TEX15: variants seen among roughly 807,000 people sequenced by gnomAD.
TEX15 encodes the protein testis-expressed protein 15.
A neutral mutation model predicts 237.3 loss-of-function variants in TEX15; 171 were observed. That is an observed-to-expected ratio of 0.72 (90% confidence interval 0.64 to 0.82). The LOEUF is 0.82. Among genes scored for constraint, TEX15 ranks in the 40% least tolerant of loss-of-function variants. The probability of loss-of-function intolerance (pLI) is 0.00; values close to 1 mark genes in which losing one functional copy is unlikely to be tolerated. For missense variants in TEX15, 3,750 were observed against 3,646.5 expected (o/e 1.03, Z -0.73); for synonymous variants, 1,338 against 1,269.8 (o/e 1.05, Z -1.14).
intron 3 of TEX15, among the ~76,000 whole-genome samples, chr8:30,881,616 ATTTTTT>A (rs199820564): frequency 2.3e-5 from 2 of 86,894 alleles, no homozygotes; most frequent in East Asian, 5.0e-4. Context: ...TTGACTTTTT[ATTTTTT>A]TTTATTATTT....
At chr8:30,883,706 C>A (rs577826134) in intron 3 of TEX15, among the ~76,000 whole-genome samples, 10 of 152,282 alleles carry the variant, frequency 6.6e-5, no homozygotes, top group Middle Eastern at 3.4e-3. Flanking sequence ...GCCGCATATT[C>A]CATGATGTAT....
chr8:30,858,555 C>T, intron 7 of TEX15, 113 bp downstream of exon 7: 1 of 922,426 alleles, frequency 1.1e-6, no homozygotes, highest in Non-Finnish European at 1.5e-6. Flanking sequence ...ACTTCCGCCT[C>T]CCAAAGTGCT....
chr8:30,902,231 T>G (rs1408090716), intron 1 of TEX15, among the ~76,000 whole-genome samples: 1 of 152,094 alleles, frequency 6.6e-6, no homozygotes, highest in African/African-American at 2.4e-5. Context: ...CTCCTTTTTT[T>G]TTTTTTTTCC....
rs1389980153 is a variant in TEX15, at chr8:30,843,685, T to C, written c.6482A>G (p.Asn2161Ser). ...GTACTTTAAGAATACATAGTATGAA[T>C]TCTTTTCCCTTTTTGTTTCTTCAAG... ...ELLEETKREK[N>S]SYYVFLKYKR... Residue 2161 changes from asparagine (N) to serine (S), a missense_variant, in exon 8 of 11, where the codon AAT becomes AGT. Asn to Ser is a conservative substitution (Grantham distance 46). Transcript: ENST00000643185. 46 of 1,612,184 alleles carry C rather than the reference T, an allele frequency of 2.9e-5. No homozygotes were observed. The highest frequency in any genetic ancestry group is 3.7e-5 in the Non-Finnish European group (44 of 1,179,334).
In TEX15 at chr8:30,846,313, TCA is replaced by T. The variant is rs1563239672; in HGVS notation, c.3852_3853del (p.Asp1285LeufsTer2). On this transcript the variant is annotated frameshift_variant, in exon 8 of 11. Transcript: ENST00000643185. LOFTEE classifies it high-confidence loss of function. Reference sequence around the variant, plus strand: ...CTTTTTATTTTTGGTATCATTATAGTCAGTTTTTGATTTTGTAAAGAAACATC... The same window carrying T: ...CTTTTTATTTTTGGTATCATTATAGTGTTTTTGATTTTGTAAAGAAACATC... The T allele has an allele frequency of 1.2e-6, 2 of 1,612,930 alleles. No individual in the cohort carries two copies. The highest frequency in any genetic ancestry group is 1.7e-6 in the Non-Finnish European group (2 of 1,179,592).
At chr8:30,907,561 T>TAC (rs1180502458) in intron 1 of TEX15, among the ~76,000 whole-genome samples, 34 of 118,668 alleles carry the variant, frequency 2.9e-4, no homozygotes, top group Admixed American at 1.0e-3. Context: ...AAAATTTATA[T>TAC]ATAATTTATT....
chr8:30,889,937 A>ATACATATATACATATATATATATATACG (rs1808752021), intron 2 of TEX15, among the ~76,000 whole-genome samples: 1 of 124,320 alleles, frequency 8.0e-6, no homozygotes, highest in African/African-American at 3.8e-5. Flanking sequence ...TTATATACAT[A>ATACATATATACATATATATATATATACG]TATATATATA....
chr8:30,910,804 C>T (rs1014421362), intron 1 of TEX15, among the ~76,000 whole-genome samples: 5 of 151,864 alleles, frequency 3.3e-5, no homozygotes, highest in African/African-American at 1.2e-4. Flanking sequence ...AAGCACTCTC[C>T]CTCAAATTTT....
At chr8:30,892,370 T>G (rs2128777262) in intron 2 of TEX15, among the ~76,000 whole-genome samples, 1 of 152,294 alleles carries the variant, frequency 6.6e-6, no homozygotes, top group Middle Eastern at 3.4e-3. Flanking sequence ...ATCAACACCA[T>G]ATTGTAACAA....
chr8:30,862,402 T>C (rs1808069786), intron 5 of TEX15, among the ~76,000 whole-genome samples: 2 of 152,094 alleles, frequency 1.3e-5, no homozygotes, highest in South Asian at 2.1e-4. Flanking sequence ...TTATAATCAG[T>C]GAAAAAAGCA....
chr8:30,833,622 G>A (rs1807228185), intron 10 of TEX15, among the ~76,000 whole-genome samples: 1 of 152,172 alleles, frequency 6.6e-6, no homozygotes, highest in African/African-American at 2.4e-5. Context: ...CTGTCCTTTA[G>A]TTCCATTTTC....
intron 5 of TEX15, among the ~76,000 whole-genome samples, chr8:30,865,522 C>A (rs1052872322): frequency 6.6e-6 from 1 of 152,086 alleles, no homozygotes; most frequent in African/African-American, 2.4e-5. Flanking sequence ...GCCAATACCC[C>A]TGATGAACAG....
rs762630793 is a variant in TEX15, at chr8:30,845,923, G to T, written c.4244C>A (p.Ser1415Ter). 4 of 1,613,374 alleles carry T rather than the reference G, an allele frequency of 2.5e-6. No individual in the cohort carries two copies. Among genetic ancestry groups the T allele is most frequent in the Non-Finnish European group, 3.4e-6 (4 of 1,179,612 alleles). The change falls in exon 8 of 11, where the codon TCA (serine) becomes TAA (stop). Residue 1415 changes from serine to a stop codon, truncating the protein, a stop_gained. Coordinates refer to ENST00000643185, the MANE Select transcript of TEX15 (RefSeq NM_001350162.2). LOFTEE classifies it high-confidence loss of function. ...GEERKGPLPK[S>*]YAIICNNFWE... ...GAAATTATTGCATATTATTGCATATGATTTTGGTAATGGGCCCTTTCTTTC... is the reference window on the plus strand; with the variant it reads ...GAAATTATTGCATATTATTGCATATTATTTTGGTAATGGGCCCTTTCTTTC...
At chr8:30,900,269 A>C (rs1414470668) in intron 1 of TEX15, among the ~76,000 whole-genome samples, 4 of 152,234 alleles carry the variant, frequency 2.6e-5, no homozygotes, top group African/African-American at 9.6e-5. Flanking sequence ...AGAAATAATC[A>C]GGGACAAATA....
chr8:30,864,340 G>A (rs375680998), intron 5 of TEX15, among the ~76,000 whole-genome samples: 2 of 150,902 alleles, frequency 1.3e-5, no homozygotes, highest in Non-Finnish European at 3.0e-5. Context: ...ACCATCAAGC[G>A]TAAGAACATA....
At chr8:30,889,711 C>T (rs889154465) in intron 2 of TEX15, among the ~76,000 whole-genome samples, 2 of 151,796 alleles carry the variant, frequency 1.3e-5, no homozygotes, top group Non-Finnish European at 2.9e-5. Context: ...GTAGGAATAA[C>T]GTCTCTTTAA....
chr8:30,839,993 T>G, intron 8 of TEX15, 29 bp from the exon 9 acceptor site: 1 of 1,359,226 alleles, frequency 7.4e-7, no homozygotes, highest in Non-Finnish European at 1.0e-6. Flanking sequence ...AAGAAAATCT[T>G]CATTAGTGAT....
rs144385523 is a variant in TEX15, at chr8:30,888,794, C to T, written c.-9-1483G>A. The T allele has an allele frequency of 2.4e-3, 1,075 of 450,828 alleles. 13 individuals carry two copies. Among genetic ancestry groups the T allele is most frequent in the African/African-American group, 0.021 (1,000 of 48,754 alleles). The allele number at this position is 450,828 out of a possible 1,614,324, so 27.9% of individuals were successfully genotyped here. A position where few individuals can be genotyped will look rare whatever the true frequency, so the allele number is the denominator to read the frequency against. ...CAAGGATGTCCCTCTTAATCCCCTC[C>T]TGTTCTTTATGAAAGGTGATCTTGC... On this transcript the variant is annotated intron_variant, in intron 2 of 10. Transcript: ENST00000643185.
At position 30,848,961 on chromosome 8, in the gene TEX15, A is replaced by C. The variant is rs1247149916; in HGVS notation, c.1206T>G (p.Ser402Arg). 2.5e-6 allele frequency: 4 copies of C among 1,614,100 alleles called. No homozygotes were observed. The highest frequency in any genetic ancestry group is 3.4e-6 in the Non-Finnish European group (4 of 1,179,972). The change falls in exon 8 of 11, where the codon AGT (serine) becomes AGG (arginine). Residue 402 changes from serine (S) to arginine (R), a missense_variant. Ser to Arg is a moderately radical substitution (Grantham distance 110). Coordinates refer to ENST00000643185, the MANE Select transcript of TEX15 (RefSeq NM_001350162.2). ...VNGDLLLNWTSLKNILSGLNA... is the reference protein window; with the variant it reads ...VNGDLLLNWTRLKNILSGLNA... ...TAAGACCACTTAAAATATTTTTAAG[A>C]CTTGTCCAATTTAACAAAAGGTCAC...
Sources: allele counts gnomAD v4.1 joint callset (sites outside exome capture counted in the v4.1 genomes callset), GRCh38; gene constraint gnomAD v4.1.1; transcripts MANE v1.5; gene names NCBI Gene and HGNC (gene_info 2026-07-23, HGNC 2026-07-21).